GLIS3: variants seen among roughly 807,000 people sequenced by gnomAD.
GLIS3 encodes zinc finger protein GLIS3.
Under a neutral mutation model 78.6 loss-of-function variants are expected in GLIS3, and 53 were observed. The ratio of observed to expected loss-of-function variants is 0.67; its 90% CI spans 0.54 to 0.85. GLIS3 has a LOEUF of 0.85. Ranked by LOEUF, GLIS3 falls within the 40% of genes least tolerant of loss-of-function variation. The probability of loss-of-function intolerance (pLI) is 0.00; values close to 1 mark genes in which losing one functional copy is unlikely to be tolerated. For missense variants in GLIS3, 1,703 were observed against 1,231.1 expected (o/e 1.38, Z -5.74); for synonymous variants, 684 against 509.9 (o/e 1.34, Z -4.60).
intron 9 of GLIS3, among the ~76,000 whole-genome samples, chr9:3,854,924 G>A (rs1368056847): frequency 6.6e-6 from 1 of 152,082 alleles, no homozygotes; most frequent in Non-Finnish European, 1.5e-5. Flanking sequence ...CACTCAATTT[G>A]CATATTGATT....
intron 8 of GLIS3, among the ~76,000 whole-genome samples, chr9:3,878,178 C>T (rs990946609): frequency 6.6e-6 from 1 of 152,058 alleles, no homozygotes; most frequent in African/African-American, 2.4e-5. Flanking sequence ...GCCTACATCA[C>T]TGTGTCTTTC....
At chr9:4,207,501 C>G (rs1023456245) in intron 2 of GLIS3, among the ~76,000 whole-genome samples, 1 of 152,138 alleles carries the variant, frequency 6.6e-6, no homozygotes, top group Non-Finnish European at 1.5e-5. Flanking sequence ...GGTTACAAAT[C>G]TGGGAGGATT....
intron 5 of GLIS3, among the ~76,000 whole-genome samples, chr9:3,934,829 A>C (rs1306986000): frequency 6.6e-6 from 1 of 152,164 alleles, no homozygotes; most frequent in Non-Finnish European, 1.5e-5. Flanking sequence ...TATGCCAAAA[A>C]AGTAATGTCA....
intron 2 of GLIS3, among the ~76,000 whole-genome samples, chr9:4,247,433 T>C (rs1314645916): frequency 6.6e-6 from 1 of 152,192 alleles, no homozygotes; most frequent in Non-Finnish European, 1.5e-5. Context: ...AAAATAATTA[T>C]AAGAATAGAT....
At chr9:4,339,190 G>C (rs1268259153) in intron 2 of GLIS3, among the ~76,000 whole-genome samples, 2 of 152,192 alleles carry the variant, frequency 1.3e-5, no homozygotes, top group Non-Finnish European at 2.9e-5. Flanking sequence ...TCTGTCCCCA[G>C]GTGTGTAAGT....
intron 2 of GLIS3, among the ~76,000 whole-genome samples, chr9:4,339,474 T>G (rs1182936900): frequency 2.0e-5 from 3 of 151,972 alleles, no homozygotes; most frequent in Non-Finnish European, 4.4e-5. Flanking sequence ...GCCAATCTGT[T>G]ACATAAACAG....
chr9:4,331,863 A>G (rs1817691266), intron 2 of GLIS3, among the ~76,000 whole-genome samples: 1 of 152,194 alleles, frequency 6.6e-6, no homozygotes, highest in South Asian at 2.1e-4. Context: ...CCCAGAAACA[A>G]GAGAAAATAT....
chr9:4,476,127 C>T, the GLIS3 span, among the ~76,000 whole-genome samples: 3 of 151,952 alleles, frequency 2.0e-5, 1 homozygote, highest in South Asian at 6.3e-4. Flanking sequence ...TCTTAAAAAC[C>T]AGTTTCTGAC....
chr9:4,185,252 T>C (rs1817681372), intron 2 of GLIS3, among the ~76,000 whole-genome samples: 1 of 152,238 alleles, frequency 6.6e-6, no homozygotes. Context: ...ATAATTTTTC[T>C]TGAAGTTTGT....
At chr9:3,854,259 T>C (rs1819615899) in intron 9 of GLIS3, among the ~76,000 whole-genome samples, 1 of 152,196 alleles carries the variant, frequency 6.6e-6, no homozygotes, top group Non-Finnish European at 1.5e-5. Flanking sequence ...TTGTGCACAG[T>C]AGGTACTCAA....
At chr9:3,887,298 G>A (rs967111512) in intron 7 of GLIS3, among the ~76,000 whole-genome samples, 1 of 152,142 alleles carries the variant, frequency 6.6e-6, no homozygotes, top group Non-Finnish European at 1.5e-5. Flanking sequence ...ATTGGCAACT[G>A]TCTCCCATGC....
At chr9:4,060,730 A>C (rs921888709) in intron 4 of GLIS3, among the ~76,000 whole-genome samples, 1 of 152,228 alleles carries the variant, frequency 6.6e-6, no homozygotes, top group Non-Finnish European at 1.5e-5. Flanking sequence ...CTCAGCTTCC[A>C]CAACTGTAAG....
At chr9:4,359,785 G>A in the GLIS3 span, among the ~76,000 whole-genome samples, 35 of 152,056 alleles carry the variant, frequency 2.3e-4, 1 homozygote, top group Non-Finnish European at 3.7e-4. Flanking sequence ...ACACTGCCCC[G>A]GTCTCCACTT....
intron 2 of GLIS3, among the ~76,000 whole-genome samples, chr9:4,276,521 G>C (rs1382140642): frequency 3.4e-5 from 2 of 59,492 alleles, no homozygotes; most frequent in Non-Finnish European, 3.4e-5. Flanking sequence ...GGGAAGGGAA[G>C]GGAAGGGAAG....
rs186393389 is a variant in GLIS3, at chr9:3,939,534, T to C, written c.1711-2345A>G. 2.9e-4 allele frequency among the ~76,000 whole-genome samples: 44 copies of C among 152,174 alleles called. 1 individual carries two copies. The East Asian group carries it at 7.7e-3, about 27-fold the overall frequency. ...AAGCAAATCAGTGCAAAATGAACAA[T>C]ATCTCAGAACATCCTGACCATTTTC... On this transcript the variant is annotated intron_variant, in intron 4 of 10. Coordinates refer to ENST00000381971, the MANE Select transcript of GLIS3 (RefSeq NM_001042413.2).
At chr9:3,926,383 A>G (rs1825254538) in intron 6 of GLIS3, among the ~76,000 whole-genome samples, 2 of 151,814 alleles carry the variant, frequency 1.3e-5, no homozygotes. Context: ...GGCGCCAGCC[A>G]CCACGCCTGG....
At chr9:4,065,368 T>C (rs954546587) in intron 4 of GLIS3, among the ~76,000 whole-genome samples, 1 of 152,242 alleles carries the variant, frequency 6.6e-6, no homozygotes, top group African/African-American at 2.4e-5. Context: ...AATATTTGTT[T>C]TATTTTAACA....
intron 2 of GLIS3, among the ~76,000 whole-genome samples, chr9:4,328,577 G>T (rs775674635): frequency 1.3e-5 from 2 of 152,218 alleles, no homozygotes; most frequent in African/African-American, 4.8e-5. Context: ...TCCCAAGAAA[G>T]ATAAAGCTCC....
the GLIS3 span, among the ~76,000 whole-genome samples, chr9:4,458,972 G>A: frequency 4.6e-5 from 7 of 152,266 alleles, no homozygotes; most frequent in African/African-American, 7.2e-5. Flanking sequence ...GAAAGGTAGC[G>A]ATGGCCTTAC....
Sources: gnomAD v4.1 joint callset for allele counts (sites outside exome capture counted in the v4.1 genomes callset) on GRCh38, gnomAD v4.1.1 for gene constraint, MANE v1.5 for transcripts, NCBI Gene and HGNC (gene_info 2026-07-23, HGNC 2026-07-21) for gene names.